Variants in CHST11 observed in about 807,000 individuals in gnomAD.
The protein encoded by CHST11 is C4S-1.
Under a neutral mutation model 30.4 loss-of-function variants are expected in CHST11, and 9 were observed. The ratio of observed to expected loss-of-function variants is 0.30; its 90% CI spans 0.18 to 0.52. The LOEUF is 0.52. Ranked by LOEUF, CHST11 falls within the 20% of genes least tolerant of loss-of-function variation. CHST11 has a pLI of 0.97. For missense variants in CHST11, 348 were observed against 460.6 expected (o/e 0.76, Z 2.24); for synonymous variants, 152 against 187.8 (o/e 0.81, Z 1.56).
chr12:104,751,879 A>G (rs1245494417), intron 2 of CHST11, among the ~76,000 whole-genome samples: 7 of 152,238 alleles, frequency 4.6e-5, no homozygotes. Context: ...GTACTTTACA[A>G]GTACCCTAAT....
chr12:104,459,258 CA>C (rs3833801), intron 1 of CHST11, among the ~76,000 whole-genome samples: 17,118 of 152,236 alleles, frequency 0.11, 1,204 homozygotes, highest in East Asian at 0.34. Flanking sequence ...GCCAGACAGC[CA>C]GGGGTATCTC....
At chr12:104,466,566 AT>A (rs930946059) in intron 1 of CHST11, among the ~76,000 whole-genome samples, 5 of 152,226 alleles carry the variant, frequency 3.3e-5, no homozygotes, top group East Asian at 1.9e-4. Flanking sequence ...GAGTGCTTCT[AT>A]TTGGGAGAGC....
At chr12:104,675,575 C>T (rs934176220) in intron 2 of CHST11, among the ~76,000 whole-genome samples, 10 of 152,142 alleles carry the variant, frequency 6.6e-5, no homozygotes, top group Admixed American at 5.9e-4. Flanking sequence ...TGTTATGAGC[C>T]GAGTGCTTAC....
intron 2 of CHST11, among the ~76,000 whole-genome samples, chr12:104,638,370 AAAAG>A (rs2039345919): frequency 6.6e-6 from 1 of 152,114 alleles, no homozygotes; most frequent in Non-Finnish European, 1.5e-5. Flanking sequence ...GTTGAAGTAA[AAAAG>A]AAAAAGGTGG....
chr12:104,682,910 C>G (rs1403764584), intron 2 of CHST11, among the ~76,000 whole-genome samples: 1 of 152,246 alleles, frequency 6.6e-6, no homozygotes, highest in Non-Finnish European at 1.5e-5. Context: ...CAAGTACCAA[C>G]CCTGTGTCCA....
intron 2 of CHST11, among the ~76,000 whole-genome samples, chr12:104,619,168 G>A (rs2039136564): frequency 1.3e-5 from 2 of 152,310 alleles, no homozygotes; most frequent in East Asian, 1.9e-4. Context: ...AGCAAGGCAT[G>A]GTGGGCTGTG....
At chr12:104,584,354 T>C (rs1032931087) in intron 1 of CHST11, among the ~76,000 whole-genome samples, 1 of 151,534 alleles carries the variant, frequency 6.6e-6, no homozygotes, top group Non-Finnish European at 1.5e-5. Flanking sequence ...CCTCCCGGGT[T>C]CAAGCGCTTC....
intron 1 of CHST11, among the ~76,000 whole-genome samples, chr12:104,526,861 A>G (rs759302177): frequency 6.6e-6 from 1 of 152,186 alleles, no homozygotes; most frequent in African/African-American, 2.4e-5. Context: ...GCGGTGAATA[A>G]TAAGGGGTTG....
chr12:104,482,936 C>T (rs529008815), intron 1 of CHST11, among the ~76,000 whole-genome samples: 2 of 152,222 alleles, frequency 1.3e-5, no homozygotes, highest in African/African-American at 2.4e-5. Context: ...AGACTTGGCC[C>T]GGAGTCAGCA....
chr12:104,743,869 T>C (rs975216819), intron 2 of CHST11, among the ~76,000 whole-genome samples: 15 of 152,228 alleles, frequency 9.9e-5, no homozygotes, highest in African/African-American at 3.4e-4. Context: ...CATTTGGTTT[T>C]CTGTTCTGCA....
At chr12:104,722,155 A>AGAGTGT (rs1555247508) in intron 2 of CHST11, among the ~76,000 whole-genome samples, 14 of 137,590 alleles carry the variant, frequency 1.0e-4, no homozygotes, top group African/African-American at 1.8e-4. Context: ...CACTCAGCTA[A>AGAGTGT]GTGTGTGTGT....
intron 2 of CHST11, among the ~76,000 whole-genome samples, chr12:104,658,012 G>A (rs1175763038): frequency 6.6e-6 from 1 of 152,170 alleles, no homozygotes; most frequent in Non-Finnish European, 1.5e-5. Flanking sequence ...TTCCTGGGTA[G>A]TTTTCCACTG....
At chr12:104,558,623 C>A (rs896945581) in intron 1 of CHST11, among the ~76,000 whole-genome samples, 17 of 150,220 alleles carry the variant, frequency 1.1e-4, no homozygotes, top group African/African-American at 4.2e-4. Flanking sequence ...ACTGCAACCT[C>A]CACCTCCTGG....
chr12:104,756,994 C>G lies in CHST11; in HGVS notation c.250C>G (p.Gln84Glu). Reference sequence around the variant, plus strand: ...TGTCCTGCACCAGATGCGGCGGGACCAGGTGACAGACACGTGCCGAGCCAA... The same window carrying G: ...TGTCCTGCACCAGATGCGGCGGGACGAGGTGACAGACACGTGCCGAGCCAA... ...TAVLHQMRRD[Q>E]VTDTCRANSA... Residue 84 changes from glutamine to glutamate, a missense_variant, in exon 3 of 3, where the codon CAG (glutamine) becomes GAG (glutamate). Gln to Glu is a conservative substitution (Grantham distance 29). Transcript: ENST00000303694. 1 of 1,612,962 alleles carries G rather than the reference C, an allele frequency of 6.2e-7. No homozygotes were observed. The highest frequency in any genetic ancestry group is 8.5e-7 in the Non-Finnish European group (1 of 1,179,582).
chr12:104,498,333 G>A (rs538403981), intron 1 of CHST11, among the ~76,000 whole-genome samples: 38 of 152,266 alleles, frequency 2.5e-4, no homozygotes, highest in Non-Finnish European at 4.1e-4. Context: ...TGGGCTGGGG[G>A]TGGGGCAAAT....
intron 2 of CHST11, among the ~76,000 whole-genome samples, chr12:104,727,192 C>T (rs777238605): frequency 1.3e-5 from 2 of 152,130 alleles, no homozygotes; most frequent in Non-Finnish European, 2.9e-5. Flanking sequence ...TGTAATTTGC[C>T]AATTCCTGGA....
In CHST11 at chr12:104,695,738, A is replaced by G. The variant is rs1057419639; in HGVS notation, c.205-61211A>G. ...TTTGCCAGAAATGGGGGCGGGGGAA[A>G]TCCATTACCCAGAAGCGGCCCCAGC... On this transcript the variant is annotated intron_variant, in intron 2 of 2. Transcript: ENST00000303694. Among the ~76,000 whole-genome samples the G allele has an allele frequency of 1.1e-4, 16 of 152,110 alleles. No individual in the cohort carries two copies. The East Asian group carries it at 2.9e-3, about 28-fold the overall frequency.
chr12:104,589,789 C>G (rs1178137693), intron 1 of CHST11, among the ~76,000 whole-genome samples: 1 of 152,052 alleles, frequency 6.6e-6, no homozygotes. Context: ...GCAGGCGGAT[C>G]ACCTGAGGTC....
intron 2 of CHST11, among the ~76,000 whole-genome samples, chr12:104,723,811 G>A (rs1169406898): frequency 1.3e-5 from 2 of 152,206 alleles, no homozygotes; most frequent in African/African-American, 4.8e-5. Context: ...CCTCTTCTCA[G>A]AGAAAAACAG....
Sources: allele counts gnomAD v4.1 joint callset (sites outside exome capture counted in the v4.1 genomes callset), GRCh38; gene constraint gnomAD v4.1.1; transcripts MANE v1.5; gene names NCBI Gene and HGNC (gene_info 2026-07-23, HGNC 2026-07-21).